Variants in CMIP observed in about 807,000 individuals in gnomAD.
The protein encoded by CMIP is C-Maf-inducing protein.
CMIP carries 13 observed loss-of-function variants against 97.3 expected under a neutral mutation model. The observed-to-expected ratio is 0.13, with a 90% CI of 0.09 to 0.21. The LOEUF (loss-of-function observed/expected upper bound fraction) is 0.21, where lower values mean the gene tolerates loss of function less well. Among genes scored for constraint, CMIP ranks in the 10% least tolerant of loss-of-function variants. The pLI, the probability that CMIP is intolerant of heterozygous loss-of-function variation, is 1.00. For missense variants in CMIP, 847 were observed against 1,024.9 expected, an observed-to-expected ratio of 0.83 and a Z score of 2.37; for synonymous variants, 538 against 436.3, an observed-to-expected ratio of 1.23 and a Z score of -2.91.
intron 3 of CMIP, among the ~76,000 whole-genome samples, chr16:81,650,271 C>T (rs530658597): frequency 2.8e-4 from 43 of 152,310 alleles, no homozygotes; most frequent in African/African-American, 8.9e-4. Context: ...GCTGGGCTGC[C>T]CTGGCCTCCT....
intron 3 of CMIP, among the ~76,000 whole-genome samples, chr16:81,642,295 T>C (rs2092315704): frequency 6.6e-6 from 1 of 152,232 alleles, no homozygotes. Flanking sequence ...GTCTCATCTC[T>C]GTATCATTTC....
Position 81,460,927 on chromosome 16 carries a change from A to T in CMIP, c.300+15386A>T, listed in dbSNP as rs113937041. Among the ~76,000 whole-genome samples the T allele has an allele frequency of 6.1e-3, 935 of 152,252 alleles. 10 individuals carry two copies. Among genetic ancestry groups the T allele is most frequent in the Non-Finnish European group, 7.6e-3 (514 of 68,022 alleles). On this transcript the variant is annotated intron_variant, in intron 1 of 20. Transcript: ENST00000537098. Reference sequence around the variant, plus strand: ...GAACTTTGATGCCCTGTTGTATGTGATCGTTATGACAATCCTGTGAAGTTT... The same window carrying T: ...GAACTTTGATGCCCTGTTGTATGTGTTCGTTATGACAATCCTGTGAAGTTT...
rs570987012 is a variant in CMIP at position 81,628,193 on chromosome 16, G to A, written c.477+7267G>A. Reference sequence around the variant, plus strand: ...CACCCCTGGCTCTGACCTTGCTCCCGGAGCCCACCTCCCCTGGGTCGCCTC... The same window carrying A: ...CACCCCTGGCTCTGACCTTGCTCCCAGAGCCCACCTCCCCTGGGTCGCCTC... On this transcript the variant is annotated intron_variant, in intron 3 of 20. Transcript: ENST00000537098. 6.9e-4 allele frequency among the ~76,000 whole-genome samples: 105 copies of A among 152,216 alleles called. 1 individual carries two copies. In the South Asian group the frequency reaches 0.02, roughly 29 times the overall value.
intron 1 of CMIP, among the ~76,000 whole-genome samples, chr16:81,582,770 T>C (rs2091317098): frequency 1.3e-5 from 2 of 151,942 alleles, no homozygotes; most frequent in African/African-American, 4.8e-5. Flanking sequence ...AAGCAGCAAA[T>C]CAGGATGAAG....
chr16:81,591,618 A>G (rs1397672845), intron 1 of CMIP, among the ~76,000 whole-genome samples: 2 of 152,132 alleles, frequency 1.3e-5, no homozygotes, highest in African/African-American at 2.4e-5. Flanking sequence ...ATGTTGAGGA[A>G]CAGGCAGAGC....
chr16:81,678,647 T>G lies in CMIP; in HGVS notation c.1388+19T>G. Reference sequence around the variant, plus strand: ...AGCTGCTGTGAGTGCCCCCCCCGCGTGCCCGCCCCCGGGGCCGGTGGGAGG... The same window carrying G: ...AGCTGCTGTGAGTGCCCCCCCCGCGGGCCCGCCCCCGGGGCCGGTGGGAGG... On this transcript the variant is annotated intron_variant, in intron 10 of 20. Transcript: ENST00000537098. 1.1e-5 allele frequency: 13 copies of G among 1,208,708 alleles called. No individual in the cohort carries two copies. The highest frequency in any genetic ancestry group is 1.4e-5 in the Non-Finnish European group (12 of 835,400). The allele number at this position is 1,208,708 out of a possible 1,614,324, so 74.9% of individuals were successfully genotyped here.
intron 3 of CMIP, among the ~76,000 whole-genome samples, chr16:81,648,911 TAGAGCCCCCAGCAGG>T: frequency 6.8e-6 from 1 of 147,814 alleles, no homozygotes; most frequent in Admixed American, 6.8e-5. Context: ...CACTGTCCCC[TAGAGCCCCCAGCAGG>T]AGTGAGCCCT....
intron 1 of CMIP, among the ~76,000 whole-genome samples, chr16:81,604,312 C>T (rs1051812272): frequency 6.7e-6 from 1 of 148,552 alleles, no homozygotes; most frequent in African/African-American, 2.5e-5. Context: ...AGGAGAATCG[C>T]TTGAACCCGA....
chr16:81,551,240 T>C (rs545677621), intron 1 of CMIP, among the ~76,000 whole-genome samples: 166 of 146,214 alleles, frequency 1.1e-3, no homozygotes, highest in Non-Finnish European at 9.7e-4. Context: ...CACCCCAGTT[T>C]CATCACACAC....
intron 1 of CMIP, among the ~76,000 whole-genome samples, chr16:81,567,130 A>G (rs911310254): frequency 6.6e-6 from 1 of 152,212 alleles, no homozygotes; most frequent in Admixed American, 6.5e-5. Flanking sequence ...TCAGCCATAC[A>G]GTTTCTGTGG....
At position 81,670,222 on chromosome 16, in the gene CMIP, A is replaced by C. The variant is rs1044767457; in HGVS notation, c.906A>C (p.Glu302Asp). Reference sequence around the variant, plus strand: ...TGAACGAGCTCAACGCGGGGATGGAAGTGGTGAAGAAGTTCATTCAGAGGT... The same window carrying C: ...TGAACGAGCTCAACGCGGGGATGGACGTGGTGAAGAAGTTCATTCAGAGGT... ...LALNELNAGM[E>D]VVKKFIQSMH... The change falls in exon 8 of 21, where the codon GAA (glutamate) becomes GAC (aspartate). Residue 302 changes from glutamate (E) to aspartate (D), a missense_variant. This residue lies in a region of CMIP where 285 missense variants were observed against 392.2 expected (regional missense o/e 0.73). Coordinates refer to ENST00000537098, the MANE Select transcript of CMIP (RefSeq NM_198390.3). The C allele has an allele frequency of 6.2e-7, 1 of 1,611,106 alleles. No homozygotes were observed. The highest frequency in any genetic ancestry group is 8.5e-7 in the Non-Finnish European group (1 of 1,178,850).
chr16:81,556,351 G>A (rs1289034282), intron 1 of CMIP, among the ~76,000 whole-genome samples: 2 of 152,104 alleles, frequency 1.3e-5, no homozygotes, highest in African/African-American at 4.8e-5. Context: ...GGGTGCGCTG[G>A]TGTCCCTTTT....
At chr16:81,590,868 CATCA>C (rs545392103) in intron 1 of CMIP, among the ~76,000 whole-genome samples, 3,033 of 145,598 alleles carry the variant, frequency 0.021, 38 homozygotes, top group Non-Finnish European at 0.032. Flanking sequence ...TCCATCCATC[CATCA>C]CATTTCTATT....
chr16:81,691,906 C>T, intron 11 of CMIP, 66 bp downstream of exon 11: 1 of 1,374,926 alleles, frequency 7.3e-7, no homozygotes, highest in Non-Finnish European at 1.0e-6. Context: ...TCCACCAAGG[C>T]CTTAGTGGGG....
At position 81,616,247 on chromosome 16, in the gene CMIP, A is replaced by C. The variant is rs1342529432; in HGVS notation, c.427-4629A>C. Among the ~76,000 whole-genome samples, 1 of 151,014 alleles carries C rather than the reference A, an allele frequency of 6.6e-6. No individual in the cohort carries two copies. The highest frequency in any genetic ancestry group is 1.5e-5 in the Non-Finnish European group (1 of 67,902). On this transcript the variant is annotated intron_variant, in intron 2 of 20. Transcript: ENST00000537098. The surrounding 1 kb of genome is among the most constrained non-coding windows in gnomAD (Gnocchi z 4.7). ...CTCCTCTCCCAATCCTGTGGGTGGG[A>C]CATAAATACCCAGCCAGCCTCAGGG...
intron 1 of CMIP, among the ~76,000 whole-genome samples, chr16:81,591,425 G>A (rs1173536049): frequency 6.6e-6 from 1 of 152,200 alleles, no homozygotes. Context: ...CCGGGCTTGT[G>A]AGAACCCAGA....
At chr16:81,636,058 A>C (rs1051297925) in intron 3 of CMIP, among the ~76,000 whole-genome samples, 2 of 142,902 alleles carry the variant, frequency 1.4e-5, no homozygotes, top group African/African-American at 4.9e-5. Context: ...TGCAGTTTTA[A>C]ATTGGGCTGG....
At chr16:81,448,788 A>G (rs1906026596) in intron 1 of CMIP, among the ~76,000 whole-genome samples, 3 of 152,260 alleles carry the variant, frequency 2.0e-5, no homozygotes, top group Non-Finnish European at 4.4e-5. Context: ...TAGGGAGGCC[A>G]GGGCCCCCTC....
At chr16:81,483,725 A>G (rs945141196) in intron 1 of CMIP, among the ~76,000 whole-genome samples, 12 of 152,142 alleles carry the variant, frequency 7.9e-5, no homozygotes, top group Admixed American at 1.3e-4. Context: ...TTTCTCGGCC[A>G]TCCCCTCCTC....
Sources: gnomAD v4.1 joint callset for allele counts (sites outside exome capture counted in the v4.1 genomes callset) on GRCh38, gnomAD v4.1.1 for gene constraint, gnomAD v4.1.1 regional missense constraint, Gnocchi (gnomAD v3.1) non-coding constraint, MANE v1.5 for transcripts, NCBI Gene and HGNC (gene_info 2026-07-23, HGNC 2026-07-21) for gene names.